Variants in NELL2 observed in about 807,000 individuals in gnomAD.
The protein encoded by NELL2 is protein kinase C-binding protein NELL2.
NELL2 carries 41 observed loss-of-function variants against 109.6 expected under a neutral mutation model. The ratio of observed to expected loss-of-function variants is 0.37; its 90% confidence interval spans 0.29 to 0.49. The LOEUF is 0.49. Among genes scored for constraint, NELL2 ranks in the 20% least tolerant of loss-of-function variants. The pLI is 0.98. For synonymous variants in NELL2, 355 were observed against 344.7 expected (o/e 1.03, Z -0.33); for missense variants, 900 against 1,008.3 (o/e 0.89, Z 1.45).
intron 12 of NELL2, among the ~76,000 whole-genome samples, chr12:44,671,554 G>C (rs991541141): frequency 1.3e-5 from 2 of 151,950 alleles, no homozygotes; most frequent in Non-Finnish European, 2.9e-5. Flanking sequence ...GAATAAAAGA[G>C]AGAAGACCAG....
chr12:44,795,881 A>G (rs577044103), intron 3 of NELL2, among the ~76,000 whole-genome samples: 78 of 152,146 alleles, frequency 5.1e-4, no homozygotes, highest in Non-Finnish European at 8.1e-4. Context: ...AAAAGGGTGC[A>G]TTTTCTAGCA....
intron 12 of NELL2, among the ~76,000 whole-genome samples, chr12:44,669,559 A>C (rs939057005): frequency 7.9e-5 from 12 of 152,108 alleles, no homozygotes. Context: ...TAAAAAGAAA[A>C]AACCAGAAAT....
intron 13 of NELL2, among the ~76,000 whole-genome samples, chr12:44,651,416 T>A (rs1409488546): frequency 6.6e-6 from 1 of 152,244 alleles, no homozygotes; most frequent in Non-Finnish European, 1.5e-5. Context: ...CAATTTTTTC[T>A]GTTATACACT....
intron 1 of NELL2, among the ~76,000 whole-genome samples, chr12:44,884,474 A>C (rs1447149662): frequency 6.6e-6 from 1 of 152,058 alleles, no homozygotes; most frequent in Non-Finnish European, 1.5e-5. Context: ...CCACATTTAA[A>C]GGATAATTAA....
At chr12:44,559,205 T>C (rs1197446466) in intron 15 of NELL2, among the ~76,000 whole-genome samples, 1 of 152,164 alleles carries the variant, frequency 6.6e-6, no homozygotes, top group African/African-American at 2.4e-5. Context: ...GAAAAACTGG[T>C]ACCAGCCACT....
intron 12 of NELL2, among the ~76,000 whole-genome samples, chr12:44,681,078 T>C (rs1948481328): frequency 6.6e-6 from 1 of 151,278 alleles, no homozygotes; most frequent in South Asian, 2.1e-4. Flanking sequence ...TGTCGTAAAC[T>C]TTTCTTTTAG....
At chr12:44,655,856 G>A (rs1295698205) in intron 13 of NELL2, among the ~76,000 whole-genome samples, 1 of 152,068 alleles carries the variant, frequency 6.6e-6, no homozygotes, top group Non-Finnish European at 1.5e-5. Context: ...TTTAGCTTTA[G>A]GGGGCATACT....
In NELL2 at chr12:44,897,550, G is replaced by A. The variant is rs539957649; in HGVS notation, c.38+16249C>T. Among the ~76,000 whole-genome samples the A allele has an allele frequency of 3.3e-5, 5 of 152,260 alleles. No individual in the cohort carries two copies. In the South Asian group the frequency reaches 1.0e-3, roughly 32 times the overall value. On this transcript the variant is annotated intron_variant, in intron 1 of 20. Coordinates refer to the NELL2 transcript ENST00000333837. ...CTCCCTCTCCTAGTCAAGGGAAGCC[G>A]TGAGGGACTGTGCCATAACGGACAG...
chr12:44,812,491 T>C lies in NELL2; in HGVS notation c.335+3495A>G, dbSNP rs189039861. Among the ~76,000 whole-genome samples the C allele has an allele frequency of 4.1e-3, 627 of 152,320 alleles. 4 individuals carry two copies. The highest frequency in any genetic ancestry group is 0.014 in the African/African-American group (579 of 41,560). On this transcript the variant is annotated intron_variant, in intron 3 of 19. Transcript: ENST00000429094. ...ATTATTTAACAAGGTTTTTATCCTT[T>C]TGTTTGCTCTGATTTGTATATGTTT...
intron 13 of NELL2, among the ~76,000 whole-genome samples, chr12:44,663,693 G>A (rs1335330584): frequency 2.0e-5 from 3 of 152,178 alleles, no homozygotes; most frequent in African/African-American, 7.2e-5. Context: ...TGCACTGGGA[G>A]AGGCGAAGCC....
chr12:44,799,576 T>A (rs1229781723), intron 3 of NELL2, among the ~76,000 whole-genome samples: 1 of 152,186 alleles, frequency 6.6e-6, no homozygotes, highest in African/African-American at 2.4e-5. Context: ...CTTTATAATA[T>A]ATTATATTCT....
intron 13 of NELL2, among the ~76,000 whole-genome samples, chr12:44,629,288 C>A (rs1946370712): frequency 2.0e-5 from 3 of 152,044 alleles, no homozygotes; most frequent in Non-Finnish European, 4.4e-5. Flanking sequence ...TTGAAATAAT[C>A]TCAGAATTTA....
intron 12 of NELL2, among the ~76,000 whole-genome samples, chr12:44,702,336 T>G (rs1949254567): frequency 6.6e-6 from 1 of 152,138 alleles, no homozygotes; most frequent in Non-Finnish European, 1.5e-5. Context: ...TACTCCACTT[T>G]ACATCAAGCC....
intron 15 of NELL2, among the ~76,000 whole-genome samples, chr12:44,538,283 C>T (rs943073327): frequency 6.6e-6 from 1 of 152,160 alleles, no homozygotes; most frequent in Non-Finnish European, 1.5e-5. Context: ...AATTGCAGCT[C>T]ATTGGCTCTT....
intron 15 of NELL2, among the ~76,000 whole-genome samples, chr12:44,569,424 C>T (rs7486016): frequency 0.46 from 69,713 of 151,862 alleles, 17,373 homozygotes; most frequent in East Asian, 0.69. Flanking sequence ...GGGTCAAATG[C>T]TATTTCTGTT....
intron 9 of NELL2, among the ~76,000 whole-genome samples, chr12:44,716,626 A>G (rs1341832198): frequency 6.6e-6 from 1 of 152,142 alleles, no homozygotes; most frequent in East Asian, 1.9e-4. Context: ...TGCATGTTTA[A>G]TTATACTTAA....
At chr12:44,565,013 A>G (rs1943602056) in intron 15 of NELL2, among the ~76,000 whole-genome samples, 1 of 152,152 alleles carries the variant, frequency 6.6e-6, no homozygotes, top group African/African-American at 2.4e-5. Flanking sequence ...CCTTACAAAA[A>G]TGGATATTTT....
intron 12 of NELL2, among the ~76,000 whole-genome samples, chr12:44,670,311 A>T (rs1372857048): frequency 2.0e-5 from 3 of 152,138 alleles, no homozygotes; most frequent in Non-Finnish European, 4.4e-5. Flanking sequence ...TATAAAACTC[A>T]CTGGTAGAGC....
At chr12:44,651,172 C>T (rs956066067) in intron 13 of NELL2, among the ~76,000 whole-genome samples, 3 of 152,166 alleles carry the variant, frequency 2.0e-5, no homozygotes, top group Non-Finnish European at 4.4e-5. Flanking sequence ...CCATCCCTAC[C>T]CCACCCCACT....
Sources: gnomAD v4.1 joint callset for allele counts (sites outside exome capture counted in the v4.1 genomes callset) on GRCh38, gnomAD v4.1.1 for gene constraint, MANE v1.5 for transcripts, NCBI Gene and HGNC (gene_info 2026-07-23, HGNC 2026-07-21) for gene names.